The following PCLO variants were observed in gnomAD, a reference collection of about 807,000 sequenced individuals.
PCLO encodes piccolo presynaptic cytomatrix protein, also known as protein piccolo.
PCLO carries 82 observed loss-of-function variants against 427.5 expected under a neutral mutation model. That is an observed-to-expected ratio of 0.19 (90% CI 0.16 to 0.23). PCLO has a LOEUF of 0.23. Among genes scored for constraint, PCLO ranks in the 10% least tolerant of loss-of-function variants. PCLO has a pLI of 1.00. For missense variants in PCLO, 6,239 were observed against 6,115.9 expected (o/e 1.02, Z -0.67); for synonymous variants, 2,357 against 2,155.4 (o/e 1.09, Z -2.59).
intron 3 of PCLO, among the ~76,000 whole-genome samples, chr7:82,979,051 A>T (rs1796089874): frequency 6.6e-6 from 1 of 152,154 alleles, no homozygotes; most frequent in Non-Finnish European, 1.5e-5. Flanking sequence ...TCCAATTTTA[A>T]GTCAATATTT....
At chr7:82,771,931 A>G (rs553245663) in intron 22 of PCLO, among the ~76,000 whole-genome samples, 4 of 152,234 alleles carry the variant, frequency 2.6e-5, no homozygotes, top group African/African-American at 9.6e-5. Context: ...ACATTAGCTT[A>G]TGAAGGCATA....
At chr7:82,894,256 T>G (rs1400556339) in intron 9 of PCLO, 2 of 152,090 alleles carry the variant, frequency 1.3e-5, no homozygotes, top group African/African-American at 4.8e-5. Flanking sequence ...AACAAAAGTT[T>G]ACAACAAACT....
chr7:82,845,295 G>C lies in PCLO; in HGVS notation c.14022C>G (p.Ser4674Arg), dbSNP rs1385808010. The C allele has an allele frequency of 3.1e-6, 5 of 1,613,224 alleles. No individual in the cohort carries two copies. In the African/African-American group the frequency reaches 5.3e-5, roughly 17 times the overall value. Residue 4674 changes from serine to arginine, a missense_variant, in exon 13 of 25, where the codon AGC becomes AGG. Ser to Arg is a moderately radical substitution (Grantham distance 110). This residue lies in a region of PCLO where 877 missense variants were observed against 925.5 expected (regional missense o/e 0.95). Transcript: ENST00000333891. ...CCTTGCTGCTGCCGTGCTTCTTTTT[G>C]CTCACTGAGGGGGACCCTGGTTGCC... The part of the protein sequence containing the change: ...SPGQPGSPSV[S>R]KKKHGSSKPT...
At chr7:82,769,894 A>G (rs532471645) in intron 22 of PCLO, among the ~76,000 whole-genome samples, 1 of 152,218 alleles carries the variant, frequency 6.6e-6, no homozygotes, top group East Asian at 1.9e-4. Flanking sequence ...TCTAAGACAG[A>G]TTTTAAAAAC....
rs1792524829 is a variant in PCLO at position 82,847,147 on chromosome 7, A to G, written c.13755T>C (p.Cys4585=). 1.2e-5 allele frequency: 18 copies of G among 1,555,892 alleles called. No individual in the cohort carries two copies. Among genetic ancestry groups the G allele is most frequent in the Non-Finnish European group, 1.4e-5 (16 of 1,129,864 alleles). ...GATGGGGAAAAACTCACAGTCTTAC[A>G]CATATTTCTGCTTCCCCACTTTGCT... The part of the protein sequence containing the change: ...ISQQSGEAEI[C]VRLDLNMLSD... Residue 4585 remains cysteine (C), a synonymous_variant, in exon 11 of 25, where the codon TGT becomes TGC. Coordinates refer to ENST00000333891, the MANE Select transcript of PCLO (RefSeq NM_033026.6).
chr7:83,050,658 C>T (rs1328688038), intron 3 of PCLO, among the ~76,000 whole-genome samples: 5 of 151,734 alleles, frequency 3.3e-5, no homozygotes, highest in African/African-American at 1.2e-4. Flanking sequence ...TGTAATTCCA[C>T]CTTGGGAGGC....
At chr7:82,868,266 T>C in intron 10 of PCLO, 1 of 455,894 alleles carries the variant, frequency 2.2e-6, no homozygotes, top group Non-Finnish European at 4.4e-6. Flanking sequence ...TTCCTTATGT[T>C]ATGCTGGAGT....
intron 22 of PCLO, among the ~76,000 whole-genome samples, chr7:82,773,885 G>A (rs1790695659): frequency 6.6e-6 from 1 of 152,148 alleles, no homozygotes. Flanking sequence ...GGTAAGAGGA[G>A]AGAGCCCAGG....
chr7:82,915,830 A>T lies in PCLO; in HGVS notation c.12156T>A (p.Ile4052=). The part of the protein sequence containing the change: ...TPRNYVLIDD[I]GEITKGTAAL... ...CCGCTGTTCCTTTGGTGATCTCTCC[A>T]ATGTCGTCAATTAGGACATAATTTC... Residue 4052 remains isoleucine, a synonymous_variant, in exon 7 of 25, where the codon ATT becomes ATA. Transcript: ENST00000333891. 6.2e-7 allele frequency: 1 copy of T among 1,613,500 alleles called. No individual in the cohort carries two copies. Among genetic ancestry groups the T allele is most frequent in the Non-Finnish European group, 8.5e-7 (1 of 1,179,722 alleles).
chr7:82,857,165 A>G (rs1194493491), intron 10 of PCLO, among the ~76,000 whole-genome samples: 1 of 152,172 alleles, frequency 6.6e-6, no homozygotes, highest in African/African-American at 2.4e-5. Context: ...TAGTAGCAGA[A>G]AACAGACTAA....
At chr7:83,068,021 T>C (rs2116341010) in intron 3 of PCLO, among the ~76,000 whole-genome samples, 1 of 146,394 alleles carries the variant, frequency 6.8e-6, no homozygotes, top group South Asian at 2.2e-4. Context: ...TTTTAAGAGA[T>C]AGGTATACAT....
intron 6 of PCLO, among the ~76,000 whole-genome samples, chr7:82,946,287 T>A (rs1342553116): frequency 6.6e-6 from 1 of 152,162 alleles, no homozygotes; most frequent in African/African-American, 2.4e-5. Context: ...ATAAATTTAT[T>A]CAATCAATGT....
In PCLO at chr7:83,020,744, GA is replaced by G. The variant is rs145067423; in HGVS notation, c.3301-54258del. ...ACTGAGAAGATAACCATAACATTGA[GA>G]AGAGCTATTAGTGAAGTGGTCCCTA... On this transcript the variant is annotated intron_variant, in intron 3 of 24. Coordinates refer to ENST00000333891, the MANE Select transcript of PCLO (RefSeq NM_033026.6). Among the ~76,000 whole-genome samples, 1,403 of 152,218 alleles carry G rather than the reference GA, an allele frequency of 9.2e-3. 32 individuals carry two copies. Among genetic ancestry groups the G allele is most frequent in the African/African-American group, 0.031 (1,270 of 41,548 alleles).
Position 82,801,545 on chromosome 7 carries a change from C to T in PCLO, c.14980G>A (p.Val4994Ile). The T allele has an allele frequency of 2.5e-6, 4 of 1,598,568 alleles. No individual in the cohort carries two copies. The highest frequency in any genetic ancestry group is 3.4e-6 in the Non-Finnish European group (4 of 1,166,074). ...TCAGTGTCTGCTAGTCCTACTCCTA[C>T]CCCTGGCTGTTTTACAGGCTCTTGT... ...NGQEPVKQPG[V>I]GVGLADTEAK... is the part of the protein sequence containing the mutation. Residue 4994 changes from valine (V) to isoleucine (I), a missense_variant, in exon 22 of 25, where the codon GTA becomes ATA. Around this residue, in one of 5 missense-constraint regions of PCLO, gnomAD observed 877 missense variants for 925.5 expected, o/e 0.95. Coordinates refer to ENST00000333891, the MANE Select transcript of PCLO (RefSeq NM_033026.6).
chr7:83,106,133 T>C (rs747777690), intron 3 of PCLO, among the ~76,000 whole-genome samples: 1 of 152,212 alleles, frequency 6.6e-6, no homozygotes, highest in Non-Finnish European at 1.5e-5. Flanking sequence ...CTGCTGTGGC[T>C]GAATTCCATT....
intron 20 of PCLO, among the ~76,000 whole-genome samples, chr7:82,820,064 T>C (rs1459138335): frequency 6.6e-6 from 1 of 152,166 alleles, no homozygotes; most frequent in East Asian, 1.9e-4. Flanking sequence ...AGGTTACAGA[T>C]GGATGTAAAT....
Position 83,022,888 on chromosome 7 carries a change from G to A in PCLO, c.3301-56401C>T, listed in dbSNP as rs551708122. Among the ~76,000 whole-genome samples, 8 of 152,220 alleles carry A rather than the reference G, an allele frequency of 5.3e-5. No individual in the cohort carries two copies. In the South Asian group the frequency reaches 1.7e-3, roughly 32 times the overall value. ...TAACTTCTTCCCTCAGAACTTTATG[G>A]ACAAAAGTTGAAACATAATAAGCTA... On this transcript the variant is annotated intron_variant, in intron 3 of 24. Coordinates refer to ENST00000333891, the MANE Select transcript of PCLO (RefSeq NM_033026.6).
chr7:82,858,390 T>TC (rs1792861379), intron 10 of PCLO, among the ~76,000 whole-genome samples: 1 of 152,124 alleles, frequency 6.6e-6, no homozygotes, highest in Non-Finnish European at 1.5e-5. Flanking sequence ...TGAAAGTTTT[T>TC]CTCTAAGATG....
chr7:82,841,594 C>A, intron 13 of PCLO, 85 bp from the exon 14 acceptor site: 1 of 884,262 alleles, frequency 1.1e-6, no homozygotes, highest in East Asian at 2.7e-5. Context: ...AAATTAGTTT[C>A]TATTTGGTCA....
Sources: allele counts gnomAD v4.1 joint callset (sites outside exome capture counted in the v4.1 genomes callset), GRCh38; gene constraint gnomAD v4.1.1; regional missense constraint gnomAD v4.1.1; transcripts MANE v1.5; gene names NCBI Gene and HGNC (gene_info 2026-07-23, HGNC 2026-07-21).